Variants in TTC28 observed in about 807,000 individuals in gnomAD.
TTC28 encodes the protein tetratricopeptide repeat domain 28.
Under a neutral mutation model 198.0 loss-of-function variants are expected in TTC28, and 61 were observed. The observed-to-expected ratio is 0.31, with a 90% CI of 0.25 to 0.38. The LOEUF (loss-of-function observed/expected upper bound fraction) is 0.38, where lower values mean the gene tolerates loss of function less well. TTC28 is among the 10% of genes least tolerant of loss of function. TTC28 has a pLI of 1.00. For missense variants in TTC28, 2,678 were observed against 3,164.0 expected (o/e 0.85, Z 3.69); for synonymous variants, 1,171 against 1,297.8 (o/e 0.90, Z 2.10).
intron 2 of TTC28, among the ~76,000 whole-genome samples, chr22:28,514,680 C>G (rs762361702): frequency 2.6e-5 from 4 of 152,206 alleles, no homozygotes; most frequent in Admixed American, 2.6e-4. Flanking sequence ...AACACTTACA[C>G]ATGCCTGTGC....
chr22:28,399,709 G>C (rs2046874624), intron 2 of TTC28, among the ~76,000 whole-genome samples: 1 of 152,110 alleles, frequency 6.6e-6, no homozygotes, highest in Non-Finnish European at 1.5e-5. Flanking sequence ...AAGATAATAA[G>C]TTTTTAATTC....
chr22:28,217,775 G>A (rs1927524250), intron 5 of TTC28, among the ~76,000 whole-genome samples: 1 of 152,096 alleles, frequency 6.6e-6, no homozygotes, highest in African/African-American at 2.4e-5. Flanking sequence ...AATGTTTAAT[G>A]TATAAGACAT....
chr22:28,604,448 A>G (rs2146129299), intron 2 of TTC28, among the ~76,000 whole-genome samples: 1 of 151,888 alleles, frequency 6.6e-6, no homozygotes, highest in South Asian at 2.1e-4. Flanking sequence ...CGTTTCATTA[A>G]GATAGAAAAT....
chr22:28,495,793 TTAATA>T (rs1257537883), intron 2 of TTC28, among the ~76,000 whole-genome samples: 1 of 152,130 alleles, frequency 6.6e-6, no homozygotes, highest in Non-Finnish European at 1.5e-5. Context: ...TTTGAACATA[TTAATA>T]TAAGTTTAAC....
chr22:27,990,463 C>T (rs1231405675), intron 20 of TTC28, among the ~76,000 whole-genome samples: 2 of 152,240 alleles, frequency 1.3e-5, no homozygotes, highest in African/African-American at 4.8e-5. Context: ...TTTCAGATTT[C>T]AGGGTCTGTG....
intron 5 of TTC28, among the ~76,000 whole-genome samples, chr22:28,245,846 C>T (rs1438815700): frequency 6.6e-6 from 1 of 152,178 alleles, no homozygotes; most frequent in East Asian, 1.9e-4. Context: ...GGCTCCTTTC[C>T]AATCTTAGCC....
intron 2 of TTC28, among the ~76,000 whole-genome samples, chr22:28,497,005 C>T (rs2048465026): frequency 6.6e-6 from 1 of 152,110 alleles, no homozygotes; most frequent in Admixed American, 6.5e-5. Flanking sequence ...CTTTCATAGC[C>T]TTCAAGCCTT....
rs185937686 is a variant in TTC28, at chr22:28,669,827, A to G, written c.102+9795T>C. 1.2e-4 allele frequency among the ~76,000 whole-genome samples: 19 copies of G among 152,264 alleles called. No homozygotes were observed. The East Asian group carries it at 3.1e-3, about 25-fold the overall frequency. The stretch of plus-strand genomic sequence containing the variant: ...TTAGGAGATGTAAGAGAGTCTACAA[A>G]TCTTTATTCTACTATTTCCCAAAAT... On this transcript the variant is annotated intron_variant, in intron 1 of 22. Coordinates refer to ENST00000397906, the MANE Select transcript of TTC28 (RefSeq NM_001145418.2).
At chr22:28,112,397 T>C (rs1454947682) in intron 6 of TTC28, among the ~76,000 whole-genome samples, 1 of 152,198 alleles carries the variant, frequency 6.6e-6, no homozygotes, top group Non-Finnish European at 1.5e-5. Flanking sequence ...GGCAAAATGA[T>C]CTGATCTCCA....
At chr22:28,644,791 C>A (rs2051429293) in intron 1 of TTC28, among the ~76,000 whole-genome samples, 1 of 152,016 alleles carries the variant, frequency 6.6e-6, no homozygotes, top group Non-Finnish European at 1.5e-5. Flanking sequence ...CCACTGCACT[C>A]CAGCCTGGGC....
intron 14 of TTC28, 33 bp from the exon 15 acceptor site, chr22:28,001,586 T>C: frequency 6.5e-7 from 1 of 1,537,928 alleles, no homozygotes; most frequent in South Asian, 1.2e-5. Context: ...CTGACATGGG[T>C]GGCCCAGCAG....
At chr22:28,290,060 C>T (rs935825651) in intron 5 of TTC28, among the ~76,000 whole-genome samples, 1 of 151,904 alleles carries the variant, frequency 6.6e-6, no homozygotes, top group Non-Finnish European at 1.5e-5. Flanking sequence ...AAACCTATTG[C>T]TTTTTAAAGG....
chr22:28,534,577 G>A (rs1211856963), intron 2 of TTC28, among the ~76,000 whole-genome samples: 2 of 152,122 alleles, frequency 1.3e-5, no homozygotes, highest in Non-Finnish European at 2.9e-5. Flanking sequence ...ATACCCAAAG[G>A]ATTATAAATC....
At chr22:28,080,867 G>A (rs990517009) in intron 12 of TTC28, among the ~76,000 whole-genome samples, 1 of 151,950 alleles carries the variant, frequency 6.6e-6, no homozygotes, top group Admixed American at 6.6e-5. Context: ...TTTGCATGTC[G>A]TATAAATAAG....
At chr22:28,613,680 T>C (rs6519758) in intron 2 of TTC28, among the ~76,000 whole-genome samples, 20,787 of 151,922 alleles carry the variant, frequency 0.14, 1,667 homozygotes, top group African/African-American at 0.2. Context: ...ATAAACAGAA[T>C]CAAAGACAAA....
At chr22:28,391,218 G>T (rs1425383046) in intron 2 of TTC28, among the ~76,000 whole-genome samples, 1 of 152,212 alleles carries the variant, frequency 6.6e-6, no homozygotes, top group Non-Finnish European at 1.5e-5. Flanking sequence ...TCAGCTGTTA[G>T]TCTGATGGGC....
intron 2 of TTC28, among the ~76,000 whole-genome samples, chr22:28,439,429 T>C (rs1255802875): frequency 6.6e-6 from 1 of 152,216 alleles, no homozygotes; most frequent in Non-Finnish European, 1.5e-5. Context: ...ATTCATTTAT[T>C]GGGATCATCT....
chr22:28,603,375 C>T (rs894549516), intron 2 of TTC28, among the ~76,000 whole-genome samples: 4 of 146,948 alleles, frequency 2.7e-5, no homozygotes, highest in Middle Eastern at 3.5e-3. Context: ...AATTTTCTTT[C>T]TTTTTTTTTT....
intron 2 of TTC28, among the ~76,000 whole-genome samples, chr22:28,332,324 TGTTA>T (rs779516342): frequency 6.6e-6 from 1 of 151,982 alleles, no homozygotes; most frequent in Non-Finnish European, 1.5e-5. Flanking sequence ...AAAGAATCCT[TGTTA>T]ATTATAAAAT....
Sources: gnomAD v4.1 joint callset for allele counts (sites outside exome capture counted in the v4.1 genomes callset) on GRCh38, gnomAD v4.1.1 for gene constraint, MANE v1.5 for transcripts, NCBI Gene and HGNC (gene_info 2026-07-23, HGNC 2026-07-21) for gene names.